CACTIN: variants seen among roughly 807,000 people sequenced by gnomAD.
The protein encoded by CACTIN is cactin, spliceosome C complex subunit.
A neutral mutation model predicts 84.9 loss-of-function variants in CACTIN; 20 were observed. The observed-to-expected ratio is 0.24, with a 90% CI of 0.17 to 0.34. The LOEUF is 0.34. Ranked by LOEUF, CACTIN falls within the 10% of genes least tolerant of loss-of-function variation. The pLI is 1.00. For synonymous variants in CACTIN, 549 were observed against 467.9 expected, an observed-to-expected ratio of 1.17 and a Z score of -2.24; for missense variants, 897 against 1,117.2, an observed-to-expected ratio of 0.80 and a Z score of 2.81.
At chr19:3,612,787 C>T (rs893283931) in intron 9 of CACTIN, 4 of 702,112 alleles carry the variant, frequency 5.7e-6, no homozygotes, top group African/African-American at 1.7e-5. Context: ...TGTCTTAGGA[C>T]GGAGGCTGCC....
intron 1 of CACTIN, among the ~76,000 whole-genome samples, chr19:3,624,596 A>G (rs553448156): frequency 9.9e-5 from 15 of 152,036 alleles, no homozygotes; most frequent in Non-Finnish European, 1.3e-4. Context: ...AACAACAAGG[A>G]GGCTGTATGG....
chr19:3,619,574 A>G lies in CACTIN; in HGVS notation c.885-332T>C, dbSNP rs1350585853. Among the ~76,000 whole-genome samples, 3 of 152,110 alleles carry G rather than the reference A, an allele frequency of 2.0e-5. No individual in the cohort carries two copies. In the East Asian group the frequency reaches 5.8e-4, roughly 29 times the overall value. ...GTGATGGGGAAGAGTGGAGGAGCTGAAGCAGAGGCAGGCTGGGGGACCAGA... is the reference window on the plus strand; with the variant it reads ...GTGATGGGGAAGAGTGGAGGAGCTGGAGCAGAGGCAGGCTGGGGGACCAGA... On this transcript the variant is annotated intron_variant, in intron 4 of 9. Coordinates refer to ENST00000429344, the MANE Select transcript of CACTIN (RefSeq NM_001080543.2).
intron 2 of CACTIN, 171 bp from the exon 3 acceptor site, chr19:3,620,973 A>T: frequency 1.4e-6 from 1 of 701,184 alleles, no homozygotes; most frequent in Non-Finnish European, 2.6e-6. Context: ...CAGTGCATCC[A>T]ATTCAGTGCA....
intron 7 of CACTIN, 66 bp downstream of exon 7, chr19:3,614,331 T>A: frequency 6.8e-7 from 1 of 1,475,544 alleles, no homozygotes; most frequent in South Asian, 1.2e-5. Flanking sequence ...CACCCAGGAC[T>A]CAGGAGGGGG....
Position 3,611,187 on chromosome 19 carries a change from ACGACCT to A in CACTIN, c.*730_*735del, listed in dbSNP as rs1451008585. On this transcript the variant is annotated 3_prime_UTR_variant, in exon 10 of 10. Coordinates refer to ENST00000429344, the MANE Select transcript of CACTIN (RefSeq NM_001080543.2). ...GACGGCTCAGTGACTTTTGGTTCCC[ACGACCT>A]TGACAGAGACAGGGACCTCGACGCA... is the stretch of plus-strand genomic sequence containing the variant. 2 of 409,046 alleles carry A rather than the reference ACGACCT, an allele frequency of 4.9e-6. No individual in the cohort carries two copies. The highest frequency in any genetic ancestry group is 9.9e-6 in the Non-Finnish European group (2 of 202,392). The allele number at this position is 409,046 out of a possible 1,614,324, so 25.3% of individuals were successfully genotyped here.
chr19:3,617,428 C>T (rs373289066), intron 6 of CACTIN, among the ~76,000 whole-genome samples: 8 of 152,332 alleles, frequency 5.3e-5, no homozygotes, highest in African/African-American at 1.9e-4. Context: ...AAACAAACTC[C>T]CTCGGAAGAC....
chr19:3,616,403 G>A, intron 6 of CACTIN: 1 of 152,204 alleles, frequency 6.6e-6, no homozygotes, highest in Non-Finnish European at 1.5e-5. Flanking sequence ...GAGGTCAGGA[G>A]ATCAAGACCA....
chr19:3,620,062 G>A, intron 4 of CACTIN, 65 bp downstream of exon 4: 1 of 1,570,798 alleles, frequency 6.4e-7, no homozygotes, highest in Non-Finnish European at 8.6e-7. Flanking sequence ...GGCTTCCAGA[G>A]TGACAGCCAG....
At position 3,624,639 on chromosome 19, in the gene CACTIN, G is replaced by A. The variant is rs1045393313; in HGVS notation, c.168-477C>T. ...AGAGTGTGGGGGAGAGGGAGGAGGC[G>A]CGGGCAGGGAGGTGGCTGGGGCTGG... On this transcript the variant is annotated intron_variant, in intron 1 of 9. Transcript: ENST00000429344. 5.3e-5 allele frequency among the ~76,000 whole-genome samples: 8 copies of A among 151,992 alleles called. No homozygotes were observed. The East Asian group carries it at 9.6e-4, about 18-fold the overall frequency.
chr19:3,626,442 G>T (rs976935942), intron 1 of CACTIN, among the ~76,000 whole-genome samples, 154 bp downstream of exon 1: 6 of 152,228 alleles, frequency 3.9e-5, no homozygotes, highest in African/African-American at 9.6e-5. Flanking sequence ...TCCGCTGCCA[G>T]GTTAATTCCA....
chr19:3,612,951 AG>A, intron 9 of CACTIN, 106 bp downstream of exon 9: 1 of 1,315,090 alleles, frequency 7.6e-7, no homozygotes, highest in Non-Finnish European at 1.1e-6. Flanking sequence ...AGCAGCAAGC[AG>A]CTCCCCACTG....
chr19:3,620,688 G>A lies in CACTIN; in HGVS notation c.738+19C>T, dbSNP rs764623333. On this transcript the variant is annotated intron_variant, in intron 3 of 9. Coordinates refer to ENST00000429344, the MANE Select transcript of CACTIN (RefSeq NM_001080543.2). Reference sequence around the variant, plus strand: ...CTGGAAAGGGAGGGCCCTGCCCAGTGGGCTGGCAGGGTGCCTACCTTCTGC... The same window carrying A: ...CTGGAAAGGGAGGGCCCTGCCCAGTAGGCTGGCAGGGTGCCTACCTTCTGC... The A allele has an allele frequency of 6.3e-7, 1 of 1,590,856 alleles. No homozygotes were observed. The highest frequency in any genetic ancestry group is 1.1e-5 in the South Asian group (1 of 89,066).
At position 3,612,319 on chromosome 19, in the gene CACTIN, G is replaced by A; in HGVS notation, c.1881C>T (p.Leu627=). Residue 627 remains leucine (L), a synonymous_variant, in exon 10 of 10, where the codon CTC becomes CTT. Coordinates refer to ENST00000429344, the MANE Select transcript of CACTIN (RefSeq NM_001080543.2). ...DEAQFSVEMP[L]TGKAYLWADK... ...CGGCCCACAGGTAGGCCTTGCCGGTGAGTGGCATCTCCACGCTGAACTGCG... is the reference window on the plus strand; with the variant it reads ...CGGCCCACAGGTAGGCCTTGCCGGTAAGTGGCATCTCCACGCTGAACTGCG... The A allele has an allele frequency of 1.9e-6, 3 of 1,612,648 alleles. No homozygotes were observed. Among genetic ancestry groups the A allele is most frequent in the South Asian group, 1.1e-5 (1 of 91,084 alleles).
At position 3,614,600 on chromosome 19, in the gene CACTIN, G is replaced by A. The variant is rs142329295; in HGVS notation, c.1163-11C>T. 5.3e-5 allele frequency: 85 copies of A among 1,589,742 alleles called. No individual in the cohort carries two copies. The African/African-American group carries it at 1.0e-3, about 19-fold the overall frequency. On this transcript the variant is annotated splice_polypyrimidine_tract_variant and intron_variant, in intron 6 of 9. Transcript: ENST00000429344. ...CCTCGCGGCGCTCACCTGCAGCGGG[G>A]TGGGGGCATGGGGGGGCGGTTCCAC...
chr19:3,624,110 G>C lies in CACTIN; in HGVS notation c.220C>G (p.Pro74Ala). 1 of 1,587,996 alleles carries C rather than the reference G, an allele frequency of 6.3e-7. No individual in the cohort carries two copies. The highest frequency in any genetic ancestry group is 2.2e-5 in the East Asian group (1 of 44,452). The change falls in exon 2 of 10, where the codon CCC (proline) becomes GCC (alanine). Residue 74 changes from proline (P) to alanine (A), a missense_variant. Physicochemically the swap from Pro to Ala is conservative, Grantham distance 27. This residue lies in a region of CACTIN where 261 missense variants were observed against 243.8 expected (regional missense o/e 1.07). Transcript: ENST00000429344. Reference protein sequence around the residue: ...WQRSGMRSRSPPRPKWHSRDG... With the variant: ...WQRSGMRSRSAPRPKWHSRDG... ...CTTGAGTGCCACTTGGGCCGCGGGG[G>C]GCTCCGGCTTCGCATCCCTGAGCGC...
At position 3,619,068 on chromosome 19, in the gene CACTIN, G is replaced by A. The variant is rs891745545; in HGVS notation, c.1047+12C>T. On this transcript the variant is annotated intron_variant, in intron 5 of 9. Transcript: ENST00000429344. ...GGTGCAGGTCAGAGGAGCATCGGGT[G>A]GGGCTGGGTACCTGGATATCCTCCA... 1.3e-6 allele frequency: 2 copies of A among 1,552,452 alleles called. No homozygotes were observed. Among genetic ancestry groups the A allele is most frequent in the African/African-American group, 1.4e-5 (1 of 73,142 alleles).
intron 1 of CACTIN, 79 bp downstream of exon 1, chr19:3,626,517 C>A: frequency 8.0e-7 from 1 of 1,246,700 alleles, no homozygotes; most frequent in Non-Finnish European, 1.0e-6. Flanking sequence ...TTTCCCGGTT[C>A]CCCGGGATCT....
In CACTIN at chr19:3,613,320, CGAG is replaced by C. The variant is rs2033016483; in HGVS notation, c.1521_1523del (p.Ser508del). The stretch of plus-strand genomic sequence containing the variant: ...CCTCGGCCTCCGCGGGGCCGCCCTC[CGAG>C]GAGGGCCCGGGCGGGGTGGGCGCCG... On this transcript the variant is annotated inframe_deletion, in exon 9 of 10. Transcript: ENST00000429344. 3 of 1,561,856 alleles carry C rather than the reference CGAG, an allele frequency of 1.9e-6. No homozygotes were observed. Among genetic ancestry groups the C allele is most frequent in the Admixed American group, 3.8e-5 (2 of 52,876 alleles).
chr19:3,613,259 C>G lies in CACTIN; in HGVS notation c.1585G>C (p.Gly529Arg), dbSNP rs757133531. 12 of 1,608,808 alleles carry G rather than the reference C, an allele frequency of 7.5e-6. No individual in the cohort carries two copies. In the East Asian group the frequency reaches 2.7e-4, roughly 36 times the overall value. The stretch of plus-strand genomic sequence containing the variant: ...CCCTCGCCCTCGCCCTCACCGTCCC[C>G]GTCGCCGTCGCCCTCTGTCGGGGTC... The part of the protein sequence containing the change: ...GATPTEGDGD[G>R]DGEGEGEGEA... Residue 529 changes from glycine (G) to arginine (R), a missense_variant, in exon 9 of 10, where the codon GGG (glycine) becomes CGG (arginine). Gly to Arg is a moderately radical substitution (Grantham distance 125). Transcript: ENST00000429344.
Sources: allele counts gnomAD v4.1 joint callset (sites outside exome capture counted in the v4.1 genomes callset), GRCh38; gene constraint gnomAD v4.1.1; regional missense constraint gnomAD v4.1.1; transcripts MANE v1.5; gene names NCBI Gene and HGNC (gene_info 2026-07-23, HGNC 2026-07-21).